Variants in NAV3 observed in about 807,000 individuals in gnomAD.
NAV3 encodes the protein pore membrane and/or filament interacting like protein 1.
In NAV3, 87 loss-of-function variants were observed where a neutral mutation model predicts 244.7. That is an observed-to-expected ratio of 0.36 (90% confidence interval 0.30 to 0.42). NAV3 has a LOEUF of 0.42. NAV3 is among the 20% of genes least tolerant of loss of function. The pLI, the probability that NAV3 is intolerant of heterozygous loss-of-function variation, is 1.00. For synonymous variants in NAV3, 1,126 were observed against 1,042.2 expected, an observed-to-expected ratio of 1.08 and a Z score of -1.55; for missense variants, 2,663 against 2,893.3, an observed-to-expected ratio of 0.92 and a Z score of 1.83.
intron 2 of NAV3, among the ~76,000 whole-genome samples, chr12:77,770,276 C>G (rs886895005): frequency 2.0e-5 from 3 of 152,026 alleles, no homozygotes; most frequent in Admixed American, 1.3e-4. Context: ...GCTAAGGTAC[C>G]TGTGGCAGGA....
chr12:77,976,662 C>CTTTTTTTTTTTTTTTTTTT (rs869100684), intron 5 of NAV3, among the ~76,000 whole-genome samples: 6 of 77,398 alleles, frequency 7.8e-5, no homozygotes, highest in Admixed American at 1.6e-4. Flanking sequence ...TTCTTTCTTT[C>CTTTTTTTTTTTTTTTTTTT]TTTCTTTTTT....
chr12:78,148,872 G>A lies in NAV3; in HGVS notation c.4738G>A (p.Ala1580Thr), dbSNP rs2139226265. 1.2e-6 allele frequency: 2 copies of A among 1,612,828 alleles called. No individual in the cohort carries two copies. The highest frequency in any genetic ancestry group is 1.7e-6 in the Non-Finnish European group (2 of 1,179,390). The change falls in exon 22 of 40, where the codon GCA becomes ACA. Residue 1580 changes from alanine to threonine, a missense_variant. This residue lies in a region of NAV3 where 48 missense variants were observed against 90.0 expected (regional missense o/e 0.53). Coordinates refer to ENST00000397909, the MANE Select transcript of NAV3 (RefSeq NM_001024383.2). ...CCATAAACTGCGGAGAGAGCTGGTT[G>A]CATCACAAGAAAAAGTTGCTACCCT... ...QIHKLRRELV[A>T]SQEKVATLTS... is the part of the protein sequence containing the mutation.
intron 22 of NAV3, among the ~76,000 whole-genome samples, chr12:78,154,434 A>T (rs1425786737): frequency 6.7e-6 from 1 of 148,958 alleles, no homozygotes; most frequent in East Asian, 1.9e-4. Flanking sequence ...TGTAATCTAT[A>T]TGAAGAAATA....
chr12:77,854,188 T>A (rs1472202357), intron 1 of NAV3, among the ~76,000 whole-genome samples: 1 of 152,210 alleles, frequency 6.6e-6, no homozygotes, highest in Non-Finnish European at 1.5e-5. Context: ...ACATTAAGAT[T>A]AAAAATTAAT....
chr12:77,686,405 T>C (rs943491857), intron 2 of NAV3, among the ~76,000 whole-genome samples: 7 of 141,018 alleles, frequency 5.0e-5, no homozygotes, highest in Non-Finnish European at 6.0e-5. Flanking sequence ...ATTTTTTCTT[T>C]TCTTTTCTTT....
intron 7 of NAV3, among the ~76,000 whole-genome samples, chr12:78,002,954 T>A (rs1030495264): frequency 1.3e-5 from 2 of 151,776 alleles, no homozygotes; most frequent in African/African-American, 4.8e-5. Context: ...ACAAAGTATA[T>A]ATGCCTGTAC....
intron 2 of NAV3, among the ~76,000 whole-genome samples, chr12:77,810,604 C>T (rs1452631916): frequency 6.6e-6 from 1 of 152,134 alleles, no homozygotes; most frequent in Admixed American, 6.5e-5. Flanking sequence ...AACTCAGTGA[C>T]TTTGCAGACC....
At chr12:77,821,066 C>T (rs566294018) in intron 2 of NAV3, among the ~76,000 whole-genome samples, 2 of 143,780 alleles carry the variant, frequency 1.4e-5, no homozygotes, top group African/African-American at 4.9e-5. Context: ...CACACACACA[C>T]ATGTACACAC....
At chr12:78,028,765 C>T (rs61936196) in intron 9 of NAV3, among the ~76,000 whole-genome samples, 14,154 of 152,214 alleles carry the variant, frequency 0.093, 896 homozygotes, top group Admixed American at 0.18. Context: ...GACTGAATGA[C>T]TGCAAGAATT....
At chr12:78,168,173 A>C (rs761007442) in intron 23 of NAV3, among the ~76,000 whole-genome samples, 1 of 151,736 alleles carries the variant, frequency 6.6e-6, no homozygotes, top group Non-Finnish European at 1.5e-5. Flanking sequence ...TGAATGAAAA[A>C]GTATCAGAAT....
At chr12:77,929,831 T>C (rs995495990) in intron 1 of NAV3, among the ~76,000 whole-genome samples, 3 of 141,320 alleles carry the variant, frequency 2.1e-5, no homozygotes, top group African/African-American at 8.0e-5. Flanking sequence ...GTATTTTTAG[T>C]AGCAATGAGG....
chr12:78,011,463 T>A (rs1474513829), intron 8 of NAV3, among the ~76,000 whole-genome samples: 1 of 152,080 alleles, frequency 6.6e-6, no homozygotes, highest in Non-Finnish European at 1.5e-5. Context: ...AAAAGAGGGT[T>A]TTTTACAAAT....
chr12:77,881,463 C>G (rs1394575778), intron 1 of NAV3, among the ~76,000 whole-genome samples: 1 of 152,010 alleles, frequency 6.6e-6, no homozygotes, highest in Non-Finnish European at 1.5e-5. Flanking sequence ...CACTGTGTCA[C>G]CAAAATTATT....
At chr12:78,142,003 A>G (rs1956635811) in intron 20 of NAV3, among the ~76,000 whole-genome samples, 1 of 152,174 alleles carries the variant, frequency 6.6e-6, no homozygotes, top group Non-Finnish European at 1.5e-5. Context: ...AAAGAAAAAT[A>G]CACTTAGATA....
At chr12:77,744,756 G>A (rs1232768180) in intron 2 of NAV3, among the ~76,000 whole-genome samples, 1 of 151,154 alleles carries the variant, frequency 6.6e-6, no homozygotes, top group Non-Finnish European at 1.5e-5. Context: ...CTTTTAATGT[G>A]GTTTGATTTT....
intron 23 of NAV3, among the ~76,000 whole-genome samples, chr12:78,165,419 G>GT (rs201199123): frequency 1.3e-5 from 2 of 151,470 alleles, no homozygotes; most frequent in East Asian, 1.9e-4. Flanking sequence ...ACATTTTTCA[G>GT]TTTTTTTTCT....
chr12:77,979,292 TG>T lies in NAV3; in HGVS notation c.671+10591del, dbSNP rs1211844309. On this transcript the variant is annotated intron_variant, in intron 5 of 39. Coordinates refer to ENST00000397909, the MANE Select transcript of NAV3 (RefSeq NM_001024383.2). ...CTGCTGTCCTGGTTACTTGGGAGGTTGAGGTGGGAGGATGGCTTGAAACTAA... is the reference window on the plus strand; with the variant it reads ...CTGCTGTCCTGGTTACTTGGGAGGTTAGGTGGGAGGATGGCTTGAAACTAA... Among the ~76,000 whole-genome samples the T allele has an allele frequency of 6.0e-5, 9 of 150,728 alleles. No individual in the cohort carries two copies. The East Asian group carries it at 1.8e-3, about 30-fold the overall frequency.
At chr12:78,145,769 A>G (rs1381436563) in intron 20 of NAV3, among the ~76,000 whole-genome samples, 3 of 152,170 alleles carry the variant, frequency 2.0e-5, no homozygotes, top group Non-Finnish European at 1.5e-5. Context: ...TCATTGTTTA[A>G]GCGTTTTGCT....
chr12:78,128,713 CCAT>C lies in NAV3; in HGVS notation c.4293_4295del (p.Ser1432del). 1 of 1,613,598 alleles carries C rather than the reference CCAT, an allele frequency of 6.2e-7. No individual in the cohort carries two copies. The highest frequency in any genetic ancestry group is 1.3e-5 in the African/African-American group (1 of 74,972). ...AGCTGTGCTGTTTTGCAGATATACC[CCAT>C]CATCTCGGCAGGCCAACCAAGAAGA... On this transcript the variant is annotated inframe_deletion, in exon 18 of 40. Coordinates refer to ENST00000397909, the MANE Select transcript of NAV3 (RefSeq NM_001024383.2).
Sources: gnomAD v4.1 joint callset for allele counts (sites outside exome capture counted in the v4.1 genomes callset) on GRCh38, gnomAD v4.1.1 for gene constraint, gnomAD v4.1.1 regional missense constraint, MANE v1.5 for transcripts, NCBI Gene and HGNC (gene_info 2026-07-23, HGNC 2026-07-21) for gene names.